BLTP1: variants seen among roughly 807,000 people sequenced by gnomAD.
The protein encoded by BLTP1 is bridge-like lipid transfer protein family member 1.
the BLTP1 span, chr4:122,171,876 C>T: frequency 2.7e-5 from 27 of 984,504 alleles, no homozygotes; most frequent in Middle Eastern, 5.2e-4. Context: ...CATAGGGGGG[C>T]GTGATATAAT....
the BLTP1 span, chr4:122,304,631 C>G: frequency 1.2e-6 from 1 of 856,508 alleles, no homozygotes; most frequent in Non-Finnish European, 1.4e-6. Context: ...GTGTGACCCA[C>G]TTTATTACAA....
At chr4:122,266,803 G>C in the BLTP1 span, 1 of 1,603,914 alleles carries the variant, frequency 6.2e-7, no homozygotes, top group Non-Finnish European at 8.5e-7. Context: ...AGCCTCTTCT[G>C]AGTCATACAG....
At chr4:122,335,156 G>A in the BLTP1 span, among the ~76,000 whole-genome samples, 1 of 151,980 alleles carries the variant, frequency 6.6e-6, no homozygotes, top group Non-Finnish European at 1.5e-5. Flanking sequence ...TTCCTCTCAT[G>A]TGGGCTTCTC....
chr4:122,349,820 G>C, the BLTP1 span: 1 of 1,607,720 alleles, frequency 6.2e-7, no homozygotes, highest in Non-Finnish European at 8.5e-7. The surrounding 1 kb of genome is among the most constrained non-coding windows in gnomAD (Gnocchi z 4.5). Flanking sequence ...AGTATCTGCT[G>C]TAAGACATCT....
At chr4:122,161,169 A>G in the BLTP1 span, 1 of 976,970 alleles carries the variant, frequency 1.0e-6, no homozygotes, top group Admixed American at 6.2e-5. Flanking sequence ...TGAAATCCAG[A>G]AGACTTTAAT....
chr4:122,339,436 A>C, the BLTP1 span: 1 of 1,535,102 alleles, frequency 6.5e-7, no homozygotes, highest in African/African-American at 1.4e-5. Context: ...TTATTCCTCT[A>C]GTATAAAGCC....
At chr4:122,228,030 C>T in the BLTP1 span, among the ~76,000 whole-genome samples, 1 of 151,796 alleles carries the variant, frequency 6.6e-6, no homozygotes, top group Non-Finnish European at 1.5e-5. Flanking sequence ...TCTCTTGCCT[C>T]AGCCTCCCGA....
the BLTP1 span, chr4:122,298,339 C>A: frequency 2.5e-6 from 1 of 406,976 alleles, no homozygotes; most frequent in Non-Finnish European, 3.3e-6. Flanking sequence ...ACTAAGAACT[C>A]TCTTAGCTTA....
the BLTP1 span, among the ~76,000 whole-genome samples, chr4:122,255,687 G>C: frequency 6.6e-6 from 1 of 152,120 alleles, no homozygotes; most frequent in Non-Finnish European, 1.5e-5. Flanking sequence ...TATAGACAAA[G>C]AGTGTGCTCA....
the BLTP1 span, chr4:122,256,226 T>A: frequency 1.1e-6 from 1 of 938,688 alleles, no homozygotes; most frequent in Non-Finnish European, 1.3e-6. Context: ...CAAGAATCTC[T>A]AGTAAGTGTT....
At chr4:122,240,864 G>A in the BLTP1 span, among the ~76,000 whole-genome samples, 10 of 152,016 alleles carry the variant, frequency 6.6e-5, no homozygotes, top group African/African-American at 2.4e-4. Context: ...ATAAATTTAG[G>A]GGTCATAGCC....
chr4:122,157,253 A>C, the BLTP1 span, among the ~76,000 whole-genome samples: 7 of 152,172 alleles, frequency 4.6e-5, no homozygotes, highest in Non-Finnish European at 7.3e-5. Context: ...GTGGATCAAA[A>C]ATTTGGGAAT....
At chr4:122,270,310 C>T in the BLTP1 span, 2 of 977,694 alleles carry the variant, frequency 2.0e-6, no homozygotes, top group Non-Finnish European at 2.4e-6. Context: ...CCCATGTCTG[C>T]ACATTCATAG....
At chr4:122,320,065 G>A in the BLTP1 span, among the ~76,000 whole-genome samples, 58 of 152,184 alleles carry the variant, frequency 3.8e-4, no homozygotes, top group African/African-American at 1.3e-3. Flanking sequence ...CTGATAAAGG[G>A]TTATTGAGTC....
chr4:122,231,478 A>G, the BLTP1 span: 4 of 196,568 alleles, frequency 2.0e-5, no homozygotes, highest in Non-Finnish European at 3.7e-5. Context: ...GTGGTTTTCA[A>G]TTTTTAAGAG....
At chr4:122,268,621 AT>A in the BLTP1 span, among the ~76,000 whole-genome samples, 1 of 152,194 alleles carries the variant, frequency 6.6e-6, no homozygotes, top group African/African-American at 2.4e-5. Flanking sequence ...TGTTTCTTCT[AT>A]AACACCGTTC....
At chr4:122,163,883 A>T in the BLTP1 span, among the ~76,000 whole-genome samples, 21 of 152,166 alleles carry the variant, frequency 1.4e-4, no homozygotes, top group Non-Finnish European at 2.2e-4. Context: ...TTGTTCCATA[A>T]TAACTGCCTT....
At chr4:122,153,621 T>C in the BLTP1 span, among the ~76,000 whole-genome samples, 1 of 152,204 alleles carries the variant, frequency 6.6e-6, no homozygotes, top group African/African-American at 2.4e-5. Flanking sequence ...CCCTGTGATT[T>C]TGCAAGATTT....
chr4:122,323,761 G>C, the BLTP1 span, among the ~76,000 whole-genome samples: 1 of 151,950 alleles, frequency 6.6e-6, no homozygotes, highest in Non-Finnish European at 1.5e-5. Context: ...CTTGTGTCCT[G>C]TTACAAGTCA....
Sources: gnomAD v4.1 joint callset for allele counts (sites outside exome capture counted in the v4.1 genomes callset) on GRCh38, gnomAD v4.1.1 for gene constraint, Gnocchi (gnomAD v3.1) non-coding constraint, MANE v1.5 for transcripts, NCBI Gene and HGNC (gene_info 2026-07-23, HGNC 2026-07-21) for gene names.